TCERG1L: variants seen among roughly 807,000 people sequenced by gnomAD.
TCERG1L encodes transcription elongation regulator 1 like, also known as transcription elongation regulator 1-like protein.
A neutral mutation model predicts 56.3 loss-of-function variants in TCERG1L; 37 were observed. The ratio of observed to expected loss-of-function variants is 0.66; its 90% CI spans 0.51 to 0.87. The LOEUF is 0.87. Among genes scored for constraint, TCERG1L ranks in the 40% least tolerant of loss-of-function variants. The probability of loss-of-function intolerance (pLI) is 0.00; values close to 1 mark genes in which losing one functional copy is unlikely to be tolerated. For missense variants in TCERG1L, 799 were observed against 774.2 expected, an observed-to-expected ratio of 1.03 and a Z score of -0.38; for synonymous variants, 324 against 326.3, an observed-to-expected ratio of 0.99 and a Z score of 0.08.
chr10:131,107,131 A>G (rs1032188601), intron 9 of TCERG1L, among the ~76,000 whole-genome samples: 5 of 152,024 alleles, frequency 3.3e-5, no homozygotes, highest in African/African-American at 1.2e-4. Context: ...AGCTTTGACT[A>G]GTGCACCTGC....
rs769852465 is a variant in TCERG1L at position 131,166,864 on chromosome 10, C to T, written c.878G>A (p.Arg293Gln). 40 of 1,612,702 alleles carry T rather than the reference C, an allele frequency of 2.5e-5. No individual in the cohort carries two copies. Among genetic ancestry groups the T allele is most frequent in the Non-Finnish European group, 3.1e-5 (36 of 1,179,868 alleles). ...CATCAGGGCAGGAGGGCGGGCCACT[C>T]GGCCCCGCTCTGTCCTTGTATCTGT... ...PVSDTRTERG[R>Q]VARPPALMLR... Residue 293 changes from arginine to glutamine, a missense_variant, in exon 5 of 12, where the codon CGA (arginine) becomes CAA (glutamine). Transcript: ENST00000368642.
chr10:131,269,060 T>G (rs1233412603), intron 3 of TCERG1L, among the ~76,000 whole-genome samples: 1 of 152,272 alleles, frequency 6.6e-6, no homozygotes, highest in Non-Finnish European at 1.5e-5. Flanking sequence ...ATAATAGCTT[T>G]CAACACGCCT....
At chr10:131,172,851 T>C (rs1401309476) in intron 4 of TCERG1L, among the ~76,000 whole-genome samples, 1 of 151,822 alleles carries the variant, frequency 6.6e-6, no homozygotes, top group Non-Finnish European at 1.5e-5. Flanking sequence ...TAAGGTCTCA[T>C]CCACTTGCAG....
chr10:131,274,065 C>T (rs1312871384), intron 3 of TCERG1L, among the ~76,000 whole-genome samples: 2 of 152,090 alleles, frequency 1.3e-5, no homozygotes, highest in African/African-American at 2.4e-5. Context: ...GAAGCACCAC[C>T]GCCGTCGAAT....
rs1845301324 is a variant in TCERG1L at position 131,191,497 on chromosome 10, C to T, written c.857-24612G>A. 2.1e-5 allele frequency among the ~76,000 whole-genome samples: 3 copies of T among 143,610 alleles called. No homozygotes were observed. In the South Asian group the frequency reaches 6.4e-4, roughly 31 times the overall value. 94.2% of individuals were successfully genotyped at this position (143,610 alleles called of 152,430 possible). On this transcript the variant is annotated intron_variant, in intron 4 of 11. Coordinates refer to ENST00000368642, the MANE Select transcript of TCERG1L (RefSeq NM_174937.4). ...CCTCAAATTATACTATAATACAAGA[C>T]TATAGTCACCAAAACAGCATGGTAC...
At chr10:131,279,589 G>A (rs1846430457) in intron 3 of TCERG1L, among the ~76,000 whole-genome samples, 1 of 152,194 alleles carries the variant, frequency 6.6e-6, no homozygotes, top group East Asian at 1.9e-4. Context: ...AAGGCGCCCA[G>A]ATGAAGAGAA....
intron 3 of TCERG1L, among the ~76,000 whole-genome samples, chr10:131,294,091 A>C (rs1445162376): frequency 6.6e-6 from 1 of 152,156 alleles, no homozygotes; most frequent in Non-Finnish European, 1.5e-5. Context: ...CAACAATAGT[A>C]AATCATAGTG....
At chr10:131,194,163 T>C (rs1845332953) in intron 4 of TCERG1L, among the ~76,000 whole-genome samples, 1 of 152,232 alleles carries the variant, frequency 6.6e-6, no homozygotes, top group Non-Finnish European at 1.5e-5. Flanking sequence ...TTCATAAAGG[T>C]TCGCTTTGCT....
At chr10:131,275,479 G>T (rs146737133) in intron 3 of TCERG1L, among the ~76,000 whole-genome samples, 154 of 152,270 alleles carry the variant, frequency 1.0e-3, no homozygotes, top group African/African-American at 3.6e-3. Context: ...ACAATAATTT[G>T]AATATTCATT....
In TCERG1L at chr10:131,134,426, A is replaced by G. The variant is rs1278532285; in HGVS notation, c.1212T>C (p.Ser404=). 2 of 1,596,304 alleles carry G rather than the reference A, an allele frequency of 1.3e-6. No individual in the cohort carries two copies. Among genetic ancestry groups the G allele is most frequent in the East Asian group, 2.2e-5 (1 of 44,484 alleles). Residue 404 remains serine, a synonymous_variant, in exon 8 of 12, where the codon AGT becomes AGC. Coordinates refer to ENST00000368642, the MANE Select transcript of TCERG1L (RefSeq NM_174937.4). Reference sequence around the variant, plus strand: ...CTTGGTCTTCCCTGTTGTCTTCAGAACTGGACCCATCGCTGTTGTCAGCTG... The same window carrying G: ...CTTGGTCTTCCCTGTTGTCTTCAGAGCTGGACCCATCGCTGTTGTCAGCTG... ...APATDNSDGS[S]SEDNREDQDV...
At chr10:131,298,593 T>C (rs929058409) in intron 3 of TCERG1L, among the ~76,000 whole-genome samples, 2 of 152,222 alleles carry the variant, frequency 1.3e-5, no homozygotes, top group Middle Eastern at 3.2e-3. Context: ...TTTGTATTTT[T>C]AGTAGAGACA....
chr10:131,241,355 G>A (rs989997485), intron 4 of TCERG1L, among the ~76,000 whole-genome samples: 2 of 152,194 alleles, frequency 1.3e-5, no homozygotes, highest in African/African-American at 2.4e-5. Context: ...AAGAGACAGG[G>A]AGGGATGACT....
chr10:131,201,557 T>C (rs1025561134), intron 4 of TCERG1L, among the ~76,000 whole-genome samples: 3 of 152,166 alleles, frequency 2.0e-5, no homozygotes, highest in Admixed American at 2.0e-4. Flanking sequence ...AACGCCACAA[T>C]CTTAGAAGCT....
In TCERG1L at chr10:131,228,030, C is replaced by CT. The variant is rs1845812551; in HGVS notation, c.856+32228dup. On this transcript the variant is annotated intron_variant, in intron 4 of 11. Transcript: ENST00000368642. Reference sequence around the variant, plus strand: ...ACTCTGTCCTCCTTGCCCAGCCCCCCTCTCCGTGCTGTGTTTTCTCAGTGG... The same window carrying CT: ...ACTCTGTCCTCCTTGCCCAGCCCCCCTTCTCCGTGCTGTGTTTTCTCAGTGG... Among the ~76,000 whole-genome samples the CT allele has an allele frequency of 2.6e-5, 4 of 151,992 alleles. No homozygotes were observed. In the South Asian group the frequency reaches 8.4e-4, roughly 32 times the overall value.
intron 4 of TCERG1L, among the ~76,000 whole-genome samples, chr10:131,246,517 T>C (rs1268336973): frequency 2.0e-5 from 3 of 152,052 alleles, no homozygotes; most frequent in Non-Finnish European, 4.4e-5. Context: ...AAAGTTATGA[T>C]GAGAGGAGGC....
chr10:131,101,348 A>C (rs1425850257), intron 10 of TCERG1L, among the ~76,000 whole-genome samples: 1 of 152,246 alleles, frequency 6.6e-6, no homozygotes, highest in East Asian at 1.9e-4. Flanking sequence ...CGTAGCATGT[A>C]AACGAGAATA....
intron 4 of TCERG1L, among the ~76,000 whole-genome samples, chr10:131,257,859 G>A (rs1444228810): frequency 6.6e-6 from 1 of 152,212 alleles, no homozygotes; most frequent in African/African-American, 2.4e-5. Flanking sequence ...TTATATCAAA[G>A]TCCAGAATGT....
At chr10:131,224,606 C>A (rs1474456892) in intron 4 of TCERG1L, among the ~76,000 whole-genome samples, 1 of 152,176 alleles carries the variant, frequency 6.6e-6, no homozygotes, top group Non-Finnish European at 1.5e-5. Flanking sequence ...CTGGACTAAG[C>A]TGTGCGGCCT....
At chr10:131,178,261 G>A (rs1346119031) in intron 4 of TCERG1L, among the ~76,000 whole-genome samples, 1 of 152,186 alleles carries the variant, frequency 6.6e-6, no homozygotes, top group Non-Finnish European at 1.5e-5. Flanking sequence ...ACCCTGCCAG[G>A]TGCTTGGAGG....
Sources: gnomAD v4.1 joint callset for allele counts (sites outside exome capture counted in the v4.1 genomes callset) on GRCh38, gnomAD v4.1.1 for gene constraint, MANE v1.5 for transcripts, NCBI Gene and HGNC (gene_info 2026-07-23, HGNC 2026-07-21) for gene names.